NELL2: variants seen among roughly 807,000 people sequenced by gnomAD.
NELL2 encodes the protein protein kinase C-binding protein NELL2.
NELL2 carries 41 observed loss-of-function variants against 109.6 expected under a neutral mutation model. The observed-to-expected ratio is 0.37, with a 90% CI of 0.29 to 0.49. The LOEUF is 0.49. Ranked by LOEUF, NELL2 falls within the 20% of genes least tolerant of loss-of-function variation. The probability of loss-of-function intolerance (pLI) is 0.98; values close to 1 mark genes in which losing one functional copy is unlikely to be tolerated. For synonymous variants in NELL2, 355 were observed against 344.7 expected, an observed-to-expected ratio of 1.03 and a Z score of -0.33; for missense variants, 900 against 1,008.3, an observed-to-expected ratio of 0.89 and a Z score of 1.45.
intron 15 of NELL2, among the ~76,000 whole-genome samples, chr12:44,588,112 G>A (rs1254772804): frequency 2.0e-5 from 3 of 151,046 alleles, no homozygotes; most frequent in African/African-American, 7.3e-5. Context: ...AGGTTGCAGT[G>A]AGCCGAGATC....
In NELL2 at chr12:44,711,374, A is replaced by G; in HGVS notation, c.1107T>C (p.Val369=). Residue 369 remains valine (V), a synonymous_variant, in exon 11 of 20, where the codon GTT becomes GTC. Transcript: ENST00000429094. ...CCAAAGCTGGACAGCCTGAACTCTC[A>G]ACAAGTTTCATGGTCTGGTCCTGTT... is the stretch of plus-strand genomic sequence containing the variant. ...YECKDQTMKL[V]ESSGCPALDC... is the part of the protein sequence containing the mutation. 2 of 1,612,398 alleles carry G rather than the reference A, an allele frequency of 1.2e-6. No homozygotes were observed. The highest frequency in any genetic ancestry group is 2.2e-5 in the South Asian group (2 of 91,060).
intron 1 of NELL2, 79 bp downstream of exon 1, chr12:44,875,736 C>A: frequency 6.2e-7 from 1 of 1,610,036 alleles, no homozygotes; most frequent in Non-Finnish European, 8.5e-7. Context: ...CCGGGAAAAG[C>A]GAGGCTTCCC....
intron 13 of NELL2, among the ~76,000 whole-genome samples, chr12:44,615,029 A>G (rs1296145095): frequency 6.6e-6 from 1 of 152,116 alleles, no homozygotes; most frequent in East Asian, 1.9e-4. Context: ...TATAAAGTTA[A>G]AAGCCTTCAA....
At chr12:44,696,693 T>A (rs945646142) in intron 12 of NELL2, among the ~76,000 whole-genome samples, 2 of 152,214 alleles carry the variant, frequency 1.3e-5, no homozygotes, top group African/African-American at 2.4e-5. Flanking sequence ...CACAACTCAA[T>A]AAACTCAGTG....
chr12:44,869,385 C>G (rs544036053), intron 2 of NELL2, among the ~76,000 whole-genome samples: 1 of 152,152 alleles, frequency 6.6e-6, no homozygotes, highest in South Asian at 2.1e-4. Context: ...TTTGAATTAA[C>G]CTTCTTTTTT....
intron 12 of NELL2, among the ~76,000 whole-genome samples, chr12:44,669,531 C>G (rs1430071524): frequency 6.6e-6 from 1 of 151,850 alleles, no homozygotes; most frequent in Non-Finnish European, 1.5e-5. Context: ...ATAAGAAATT[C>G]AACAGAGATA....
chr12:44,695,807 A>T (rs557272072), intron 12 of NELL2, among the ~76,000 whole-genome samples: 161 of 152,248 alleles, frequency 1.1e-3, no homozygotes, highest in Admixed American at 3.6e-3. Context: ...TCTCCAAAAA[A>T]ATTTAAAAAT....
chr12:44,592,639 A>G (rs1190701860), intron 15 of NELL2, among the ~76,000 whole-genome samples: 1 of 152,172 alleles, frequency 6.6e-6, no homozygotes, highest in Admixed American at 6.5e-5. Flanking sequence ...CTGGTAAGAA[A>G]GAACTTTGTG....
At chr12:44,656,375 C>T (rs1297675710) in intron 13 of NELL2, among the ~76,000 whole-genome samples, 1 of 152,154 alleles carries the variant, frequency 6.6e-6, no homozygotes, top group Non-Finnish European at 1.5e-5. Context: ...TAAACAATAA[C>T]ACATTGAGTC....
rs114567254 is a variant in NELL2 at position 44,726,311 on chromosome 12, C to A, written c.995-11570G>T. Among the ~76,000 whole-genome samples, 322 of 152,248 alleles carry A rather than the reference C, an allele frequency of 2.1e-3. 1 individual carries two copies. The highest frequency in any genetic ancestry group is 7.6e-3 in the African/African-American group (315 of 41,564). On this transcript the variant is annotated intron_variant, in intron 9 of 19. Coordinates refer to ENST00000429094, the MANE Select transcript of NELL2 (RefSeq NM_001145108.2). ...CTTTAAGTTTTGTTATTCCTTCAAACGACTTCATGAGGTGAGAAATATTAT... is the reference window on the plus strand; with the variant it reads ...CTTTAAGTTTTGTTATTCCTTCAAAAGACTTCATGAGGTGAGAAATATTAT...
intron 9 of NELL2, among the ~76,000 whole-genome samples, chr12:44,765,891 G>A (rs750217815): frequency 1.8e-4 from 28 of 152,112 alleles, no homozygotes; most frequent in Admixed American, 3.3e-4. Flanking sequence ...TTGGGAGGCC[G>A]AGGTGGGCAG....
At chr12:44,765,396 T>G (rs1480934918) in intron 9 of NELL2, among the ~76,000 whole-genome samples, 1 of 152,052 alleles carries the variant, frequency 6.6e-6, no homozygotes, top group Non-Finnish European at 1.5e-5. Context: ...ATACAGTCAA[T>G]AACTCCAGAT....
chr12:44,654,955 A>C (rs866981262), intron 13 of NELL2, among the ~76,000 whole-genome samples: 12 of 152,290 alleles, frequency 7.9e-5, no homozygotes, highest in Admixed American at 2.6e-4. Flanking sequence ...TCAAGAAAGG[A>C]AATGAAAGGC....
intron 3 of NELL2, among the ~76,000 whole-genome samples, chr12:44,801,177 T>C (rs1479792440): frequency 1.3e-5 from 2 of 152,128 alleles, no homozygotes; most frequent in Non-Finnish European, 2.9e-5. Context: ...ATTAACTTTT[T>C]ATGGAGAGGC....
In NELL2 at chr12:44,628,950, G is replaced by A. The variant is rs144020504; in HGVS notation, c.1445-17980C>T. ...GGTCTTGAGACTAGTGAATATGCAG[G>A]TGAGGAATAAGACTAATAGCTTCTC... On this transcript the variant is annotated intron_variant, in intron 13 of 19. Coordinates refer to ENST00000429094, the MANE Select transcript of NELL2 (RefSeq NM_001145108.2). Among the ~76,000 whole-genome samples the A allele has an allele frequency of 1.4e-4, 21 of 152,158 alleles. No individual in the cohort carries two copies. In the East Asian group the frequency reaches 4.0e-3, roughly 29 times the overall value.
intron 2 of NELL2, among the ~76,000 whole-genome samples, chr12:44,841,552 A>G (rs186373232): frequency 6.6e-6 from 1 of 152,328 alleles, no homozygotes; most frequent in Admixed American, 6.5e-5. Flanking sequence ...CTACCTAGGG[A>G]CACTTTTCAA....
chr12:44,518,882 T>C (rs1311275162), intron 19 of NELL2, among the ~76,000 whole-genome samples: 5 of 152,262 alleles, frequency 3.3e-5, no homozygotes, highest in Admixed American at 3.3e-4. Flanking sequence ...ATAGTAACTT[T>C]TAAATTTGCT....
At chr12:44,711,266 A>C (rs1457426874) in intron 11 of NELL2, 26 bp downstream of exon 11, 1 of 1,546,296 alleles carries the variant, frequency 6.5e-7, no homozygotes, top group East Asian at 2.2e-5. Flanking sequence ...CTTGCACGTA[A>C]ACCTTACTTT....
chr12:44,744,752 G>C (rs1401315446), intron 9 of NELL2, among the ~76,000 whole-genome samples: 2 of 152,152 alleles, frequency 1.3e-5, no homozygotes, highest in Admixed American at 6.5e-5. Flanking sequence ...GACTAAACCA[G>C]GAAGAAGTTG....
Sources: gnomAD v4.1 joint callset for allele counts (sites outside exome capture counted in the v4.1 genomes callset) on GRCh38, gnomAD v4.1.1 for gene constraint, MANE v1.5 for transcripts, NCBI Gene and HGNC (gene_info 2026-07-23, HGNC 2026-07-21) for gene names.